MYO1E: variants seen among roughly 807,000 people sequenced by gnomAD.
MYO1E encodes the protein unconventional myosin-Ie.
MYO1E carries 68 observed loss-of-function variants against 151.1 expected under a neutral mutation model. That is an observed-to-expected ratio of 0.45 (90% CI 0.37 to 0.55). The LOEUF (loss-of-function observed/expected upper bound fraction) is 0.55. MYO1E is among the 20% of genes least tolerant of loss of function. The pLI, the probability that MYO1E is intolerant of heterozygous loss-of-function variation, is 0.00. For synonymous variants in MYO1E, 601 were observed against 501.7 expected, an observed-to-expected ratio of 1.20 and a Z score of -2.64; for missense variants, 1,363 against 1,389.3, an observed-to-expected ratio of 0.98 and a Z score of 0.30.
Position 59,195,445 on chromosome 15 carries a change from C to T in MYO1E, c.1805+16G>A, listed in dbSNP as rs369120089. On this transcript the variant is annotated intron_variant, in intron 17 of 27. Transcript: ENST00000288235. The stretch of plus-strand genomic sequence containing the variant: ...AAAAAGGTCCCGGCCCCACCTAAGC[C>T]GGTTTCCCCCGATACCTGCTTTCCT... The T allele has an allele frequency of 2.6e-5, 42 of 1,600,730 alleles. No homozygotes were observed. Among genetic ancestry groups the T allele is most frequent in the African/African-American group, 4.0e-5 (3 of 74,742 alleles).
chr15:59,155,030 C>G (rs1179194035), intron 25 of MYO1E, among the ~76,000 whole-genome samples: 1 of 152,134 alleles, frequency 6.6e-6, no homozygotes, highest in African/African-American at 2.4e-5. Flanking sequence ...TGAGTGAGAG[C>G]TGAATGGGCT....
chr15:59,245,916 T>C (rs1264248728), intron 4 of MYO1E, among the ~76,000 whole-genome samples: 4 of 152,186 alleles, frequency 2.6e-5, no homozygotes. Context: ...CATGACCTTT[T>C]TGTTAAACAG....
At chr15:59,162,637 C>T (rs544570431) in intron 23 of MYO1E, among the ~76,000 whole-genome samples, 7 of 140,098 alleles carry the variant, frequency 5.0e-5, no homozygotes, top group South Asian at 4.6e-4. Flanking sequence ...CAGAACGAGA[C>T]GCCATCTCAA....
intron 4 of MYO1E, 143 bp from the exon 5 acceptor site, chr15:59,236,815 T>A (rs1247548001): frequency 2.7e-6 from 2 of 744,824 alleles, no homozygotes; most frequent in East Asian, 2.7e-5. Context: ...TTAAGTACAA[T>A]ACCAGTAGAG....
At chr15:59,140,916 G>C (rs1203673270) in intron 26 of MYO1E, among the ~76,000 whole-genome samples, 1 of 152,194 alleles carries the variant, frequency 6.6e-6, no homozygotes, top group African/African-American at 2.4e-5. Flanking sequence ...TTAGTGCAGA[G>C]GAAAGGCATT....
intron 26 of MYO1E, among the ~76,000 whole-genome samples, chr15:59,151,049 A>ACGCG (rs1555407035): frequency 2.3e-5 from 3 of 129,558 alleles, no homozygotes; most frequent in African/African-American, 5.8e-5. Context: ...ACACACACAC[A>ACGCG]CGCGCGCGCG....
chr15:59,273,259 C>T (rs55880636), intron 1 of MYO1E, among the ~76,000 whole-genome samples: 2,511 of 152,278 alleles, frequency 0.016, 63 homozygotes, highest in East Asian at 0.061. Context: ...CTGTGGGCTG[C>T]AGGGCTTCCT....
chr15:59,208,808 G>A lies in MYO1E; in HGVS notation c.1403C>T (p.Ala468Val). The A allele has an allele frequency of 6.2e-7, 1 of 1,614,212 alleles. No homozygotes were observed. Among genetic ancestry groups the A allele is most frequent in the Non-Finnish European group, 8.5e-7 (1 of 1,180,048 alleles). ...CCCCTCACCCACCGCATGCATCGTGGCGCACACGTCATCCAGGATGCTCAT... is the reference window on the plus strand; with the variant it reads ...CCCCTCACCCACCGCATGCATCGTGACGCACACGTCATCCAGGATGCTCAT... ...GIMSILDDVC[A>V]TMHAVGEGAD... is the part of the protein sequence containing the mutation. The change falls in exon 14 of 28, where the codon GCC becomes GTC. Residue 468 changes from alanine to valine, a missense_variant. Ala to Val is a moderately conservative substitution (Grantham distance 64, BLOSUM62 0). Coordinates refer to ENST00000288235, the MANE Select transcript of MYO1E (RefSeq NM_004998.4).
chr15:59,200,000 G>A (rs1374623657), intron 16 of MYO1E, among the ~76,000 whole-genome samples: 2 of 152,108 alleles, frequency 1.3e-5, no homozygotes, highest in Non-Finnish European at 2.9e-5. Flanking sequence ...CTCTCTTTAG[G>A]TAAACTGCTG....
chr15:59,358,865 T>TG (rs1353706524), intron 1 of MYO1E, among the ~76,000 whole-genome samples: 1 of 152,162 alleles, frequency 6.6e-6, no homozygotes, highest in African/African-American at 2.4e-5. Flanking sequence ...TCCTGAACTG[T>TG]GGGTTAAGAG....
intron 11 of MYO1E, 35 bp from the exon 12 acceptor site, chr15:59,214,349 C>G (rs200339467): frequency 6.8e-7 from 1 of 1,460,892 alleles, no homozygotes; most frequent in East Asian, 2.3e-5. Context: ...GTAATTCTTT[C>G]ACAAAATCAT....
intron 1 of MYO1E, among the ~76,000 whole-genome samples, chr15:59,273,944 G>A (rs1175154489): frequency 1.3e-5 from 2 of 152,070 alleles, no homozygotes; most frequent in Non-Finnish European, 2.9e-5. Flanking sequence ...CAACTGCTCA[G>A]ACATCAAAAC....
At chr15:59,218,115 A>G (rs2079931362) in intron 9 of MYO1E, 28 bp from the exon 10 acceptor site, 1 of 1,611,124 alleles carries the variant, frequency 6.2e-7, no homozygotes, top group East Asian at 2.2e-5. Flanking sequence ...AAACATGACA[A>G]TCTTTCAGAA....
intron 1 of MYO1E, among the ~76,000 whole-genome samples, chr15:59,353,584 C>A (rs183356010): frequency 6.6e-6 from 1 of 150,530 alleles, no homozygotes; most frequent in Non-Finnish European, 1.5e-5. Context: ...GGAGAAACCC[C>A]GTTTCTACTA....
chr15:59,279,980 AAGTT>A (rs1484111890), intron 1 of MYO1E, among the ~76,000 whole-genome samples: 1 of 152,222 alleles, frequency 6.6e-6, no homozygotes, highest in East Asian at 1.9e-4. Context: ...ATTGTGAAAA[AAGTT>A]AGATCAAATA....
chr15:59,315,617 T>C (rs1300859534), intron 1 of MYO1E, among the ~76,000 whole-genome samples: 3 of 152,042 alleles, frequency 2.0e-5, no homozygotes, highest in Non-Finnish European at 2.9e-5. Flanking sequence ...ACTTAACCTC[T>C]CTGTGCCTCA....
chr15:59,304,393 C>G (rs1358593795), intron 1 of MYO1E, among the ~76,000 whole-genome samples: 7 of 152,162 alleles, frequency 4.6e-5, no homozygotes. Context: ...TGGCTTCTTT[C>G]CATCTCTTCA....
At position 59,171,148 on chromosome 15, in the gene MYO1E, TGGGAGGACTTC is replaced by T. The variant is rs2079591210; in HGVS notation, c.2480+738_2480+748del. The T allele has an allele frequency of 1.9e-5, 3 of 155,902 alleles. No homozygotes were observed. In the Admixed American group the frequency reaches 2.0e-4, roughly 10 times the overall value. The allele number at this position is 155,902 out of a possible 1,614,324, so 9.7% of individuals were successfully genotyped here. On this transcript the variant is annotated intron_variant, in intron 22 of 27. Coordinates refer to ENST00000288235, the MANE Select transcript of MYO1E (RefSeq NM_004998.4). ...GAACTTAGTCTAGGAGTTCTTACCATGGGAGGACTTCGGGAGGACTTAGCATGGGAGGACTC... is the reference window on the plus strand; with the variant it reads ...GAACTTAGTCTAGGAGTTCTTACCATGGGAGGACTTAGCATGGGAGGACTC...
intron 1 of MYO1E, among the ~76,000 whole-genome samples, chr15:59,300,768 G>C (rs2080477254): frequency 6.6e-6 from 1 of 152,054 alleles, no homozygotes; most frequent in Non-Finnish European, 1.5e-5. Context: ...GGTCTCACAG[G>C]CTAGCTCTAA....
Sources: allele counts gnomAD v4.1 joint callset (sites outside exome capture counted in the v4.1 genomes callset), GRCh38; gene constraint gnomAD v4.1.1; transcripts MANE v1.5; gene names NCBI Gene and HGNC (gene_info 2026-07-23, HGNC 2026-07-21).